The following MTMR6 variants were observed in gnomAD, a reference collection of about 807,000 sequenced individuals.
MTMR6 encodes the protein myotubularin related protein 6, also known as phosphatidylinositol-3,5-bisphosphate 3-phosphatase MTMR6.
MTMR6 carries 47 observed loss-of-function variants against 80.1 expected under a neutral mutation model. The observed-to-expected ratio is 0.59, with a 90% CI of 0.46 to 0.75. The LOEUF is 0.75. MTMR6 is among the 30% of genes least tolerant of loss of function. MTMR6 has a pLI of 0.00. For synonymous variants in MTMR6, 254 were observed against 253.0 expected, an observed-to-expected ratio of 1.00 and a Z score of -0.04; for missense variants, 629 against 730.9, an observed-to-expected ratio of 0.86 and a Z score of 1.61.
At chr13:25,267,281 C>T (rs980926422) in intron 3 of MTMR6, among the ~76,000 whole-genome samples, 1 of 150,456 alleles carries the variant, frequency 6.6e-6, no homozygotes, top group African/African-American at 2.4e-5. Flanking sequence ...TTCTTTAGGA[C>T]TGCTATCCCT....
chr13:25,264,363 A>T, intron 5 of MTMR6, among the ~76,000 whole-genome samples: 1 of 152,126 alleles, frequency 6.6e-6, no homozygotes, highest in South Asian at 2.1e-4. Context: ...GACAAAGAAA[A>T]TTAATAGAAC....
intron 1 of MTMR6, among the ~76,000 whole-genome samples, chr13:25,275,359 T>G (rs1593155648): frequency 6.6e-6 from 1 of 150,704 alleles, no homozygotes; most frequent in African/African-American, 2.4e-5. Flanking sequence ...ACGGTGGAGG[T>G]TGCAGTGAGC....
At chr13:25,257,631 T>C in intron 8 of MTMR6, 105 bp downstream of exon 8, 1 of 809,116 alleles carries the variant, frequency 1.2e-6, no homozygotes, top group South Asian at 1.9e-5. Context: ...AGGTAAAAAA[T>C]AATAAAAGTT....
chr13:25,260,660 G>T (rs1448741728), intron 6 of MTMR6: 1 of 1,286,080 alleles, frequency 7.8e-7, no homozygotes, highest in African/African-American at 1.5e-5. Flanking sequence ...ATGTCCTTTT[G>T]TGTAGCCCAC....
chr13:25,276,435 A>G (rs1357707779), intron 1 of MTMR6, among the ~76,000 whole-genome samples: 1 of 152,222 alleles, frequency 6.6e-6, no homozygotes, highest in Non-Finnish European at 1.5e-5. Context: ...ATTACTATTT[A>G]AATAGGAAGT....
At position 25,258,698 on chromosome 13, in the gene MTMR6, ATTAAAAGT is replaced by A. The variant is rs1322663382; in HGVS notation, c.727-14_727-7del. On this transcript the variant is annotated splice_region_variant and splice_polypyrimidine_tract_variant and intron_variant, in intron 6 of 13. Coordinates refer to ENST00000381801, the MANE Select transcript of MTMR6 (RefSeq NM_004685.5). ...CTGTTGGCCATTGCATTCAGCTAAA[ATTAAAAGT>A]TTTAGAAATTTAGAGACAAATTACT... is the stretch of plus-strand genomic sequence containing the variant. 1.5e-5 allele frequency: 19 copies of A among 1,298,004 alleles called. No homozygotes were observed. Among genetic ancestry groups the A allele is most frequent in the African/African-American group, 3.1e-5 (2 of 64,870 alleles). The allele number at this position is 1,298,004 out of a possible 1,614,324, so 80.4% of individuals were successfully genotyped here.
intron 1 of MTMR6, among the ~76,000 whole-genome samples, chr13:25,277,878 G>A (rs1957759161): frequency 1.3e-5 from 2 of 152,140 alleles, no homozygotes; most frequent in Non-Finnish European, 2.9e-5. Flanking sequence ...TGGTGAAAAT[G>A]CTCTTTCCAA....
At chr13:25,257,692 A>G in intron 8 of MTMR6, 44 bp downstream of exon 8, 2 of 1,413,358 alleles carry the variant, frequency 1.4e-6, no homozygotes, top group Non-Finnish European at 2.0e-6. Flanking sequence ...CTCCTTCCCA[A>G]TCATTATAGA....
chr13:25,259,661 T>C (rs1381187772), intron 6 of MTMR6, among the ~76,000 whole-genome samples: 2 of 152,176 alleles, frequency 1.3e-5, no homozygotes, highest in African/African-American at 4.8e-5. Flanking sequence ...GTGAAGAAGA[T>C]AATTATACAA....
chr13:25,287,363 GGTCT>G lies in MTMR6; in HGVS notation c.-120_-117del, dbSNP rs1414943198. 1.1e-5 allele frequency: 15 copies of G among 1,389,048 alleles called. No homozygotes were observed. The highest frequency in any genetic ancestry group is 1.5e-5 in the Non-Finnish European group (15 of 1,013,572). The allele number at this position is 1,389,048 out of a possible 1,614,324, so 86.0% of individuals were successfully genotyped here. ...ACTCCCTCCACCAGCCAGCGCCGCGGGTCTGTCTGCCGGCCCCGGTGGCGTCAAC... is the reference window on the plus strand; with the variant it reads ...ACTCCCTCCACCAGCCAGCGCCGCGGGTCTGCCGGCCCCGGTGGCGTCAAC... On this transcript the variant is annotated 5_prime_UTR_variant, in exon 1 of 14. Transcript: ENST00000381801.
At chr13:25,272,015 G>A (rs1400693447) in intron 2 of MTMR6, among the ~76,000 whole-genome samples, 1 of 152,164 alleles carries the variant, frequency 6.6e-6, no homozygotes, top group Non-Finnish European at 1.5e-5. Flanking sequence ...AAACTCAAAA[G>A]CAGAGCCTCA....
chr13:25,274,083 T>G lies in MTMR6; in HGVS notation c.129A>C (p.Gln43His). The change falls in exon 2 of 14, where the codon CAA becomes CAC. Residue 43 changes from glutamine (Q) to histidine (H), a missense_variant. Gln to His is a conservative substitution (Grantham distance 24). Coordinates refer to ENST00000381801, the MANE Select transcript of MTMR6 (RefSeq NM_004685.5). The part of the protein sequence containing the change: ...ATHLLFIDSH[Q>H]KETWILHHHI... ...CGGTCCTCCTTACCCAGGTTTCTTT[T>G]TGATGAGAGTCGATAAATAATAGAT... 6.3e-7 allele frequency: 1 copy of G among 1,598,298 alleles called. No individual in the cohort carries two copies. Among genetic ancestry groups the G allele is most frequent in the Non-Finnish European group, 8.6e-7 (1 of 1,169,094 alleles).
rs754693450 is a variant in MTMR6 at position 25,253,788 on chromosome 13, C to T, written c.1322G>A (p.Cys441Tyr). ...CTTGAGCTCTTCTCTTTCCTTCTGA[C>T]AATTTCCAAGGAAGTTTCCAAACTG... ...SCQFGNFLGNCQKEREELKLK... is the reference protein window; with the variant it reads ...SCQFGNFLGNYQKEREELKLK... Residue 441 changes from cysteine (C) to tyrosine (Y), a missense_variant, in exon 11 of 14, where the codon TGT becomes TAT. Cys to Tyr is a radical substitution (Grantham distance 194, BLOSUM62 -2). Transcript: ENST00000381801. 6.2e-7 allele frequency: 1 copy of T among 1,614,026 alleles called. No individual in the cohort carries two copies. The highest frequency in any genetic ancestry group is 1.1e-5 in the South Asian group (1 of 91,080).
chr13:25,263,763 G>A (rs1193864877), intron 5 of MTMR6, among the ~76,000 whole-genome samples: 1 of 152,186 alleles, frequency 6.6e-6, no homozygotes, highest in Admixed American at 6.5e-5. Flanking sequence ...GCACATGCCT[G>A]TAATCCCAGC....
At position 25,248,567 on chromosome 13, in the gene MTMR6, TA is replaced by T. The variant is rs1957025296; in HGVS notation, c.*664del. ...TTTTGAATACAAAAGTGGGGCAGGC[TA>T]AACGTGAACAGTGTACTTCTACAAG... On this transcript the variant is annotated 3_prime_UTR_variant, in exon 14 of 14. Transcript: ENST00000381801. The T allele has an allele frequency of 6.6e-6, 1 of 152,286 alleles. No individual in the cohort carries two copies. Among genetic ancestry groups the T allele is most frequent in the African/African-American group, 2.4e-5 (1 of 41,426 alleles). 9.4% of individuals were successfully genotyped at this position (152,286 alleles called of 1,614,324 possible).
At chr13:25,260,875 G>T (rs949314075) in intron 6 of MTMR6, among the ~76,000 whole-genome samples, 1 of 151,972 alleles carries the variant, frequency 6.6e-6, no homozygotes, top group Admixed American at 6.6e-5. Context: ...CCAAATTCCT[G>T]TTCACTATTT....
intron 1 of MTMR6, among the ~76,000 whole-genome samples, chr13:25,280,364 T>C (rs944851373): frequency 6.6e-6 from 1 of 152,320 alleles, no homozygotes; most frequent in East Asian, 1.9e-4. Context: ...TTCCACAACA[T>C]TTATTTAGTA....
chr13:25,255,584 C>T (rs1191399733), intron 9 of MTMR6, among the ~76,000 whole-genome samples: 4 of 151,938 alleles, frequency 2.6e-5, no homozygotes, highest in East Asian at 1.9e-4. Flanking sequence ...AGTGCAGTGG[C>T]GCAATCTTGG....
rs374109646 is a variant in MTMR6, at chr13:25,287,474, A to C, written c.-227T>G. 6 of 593,314 alleles carry C rather than the reference A, an allele frequency of 1.0e-5. No homozygotes were observed. Among genetic ancestry groups the C allele is most frequent in the East Asian group, 2.9e-5 (1 of 34,310 alleles). 36.8% of individuals were successfully genotyped at this position (593,314 alleles called of 1,614,324 possible). ...GCCTCCCGGGGGACTCGGGGCAGGC[A>C]GACAGAGCGTGTGTGGACCGAGAGC... On this transcript the variant is annotated 5_prime_UTR_variant, in exon 1 of 14. Transcript: ENST00000381801.
Sources: gnomAD v4.1 joint callset for allele counts (sites outside exome capture counted in the v4.1 genomes callset) on GRCh38, gnomAD v4.1.1 for gene constraint, MANE v1.5 for transcripts, NCBI Gene and HGNC (gene_info 2026-07-23, HGNC 2026-07-21) for gene names.